The following DMD variants were observed in gnomAD, a reference collection of about 807,000 sequenced individuals.
DMD encodes the protein dystrophin, also known as mutant dystrophin.
In DMD, 63 loss-of-function variants were observed where a neutral mutation model predicts 330.1. The ratio of observed to expected loss-of-function variants is 0.19; its 90% CI spans 0.16 to 0.24. The LOEUF (loss-of-function observed/expected upper bound fraction) is 0.24, where lower values mean the gene tolerates loss of function less well. Ranked by LOEUF, DMD falls within the 10% of genes least tolerant of loss-of-function variation. The pLI is 1.00. For synonymous variants in DMD, 1,223 were observed against 959.8 expected, an observed-to-expected ratio of 1.27 and a Z score of -5.07; for missense variants, 3,344 against 2,684.1, an observed-to-expected ratio of 1.25 and a Z score of -5.43.
chrX:31,478,084 G>T, intron 59 of DMD, 22 bp downstream of exon 59: 1 of 1,207,886 alleles, frequency 8.3e-7, no homozygotes, highest in East Asian at 3.0e-5. Flanking sequence ...AAAGGGCCCT[G>T]AAGCAAAGAA....
chrX:32,891,374 A>G (rs913436521), intron 2 of DMD, among the ~76,000 whole-genome samples: 2 of 112,499 alleles, frequency 1.8e-5, no homozygotes, highest in African/African-American at 6.5e-5. Context: ...TGGCCTAACA[A>G]CATTAGAATC....
At chrX:32,856,362 TG>T (rs1453468119) in intron 2 of DMD, among the ~76,000 whole-genome samples, 1 of 112,190 alleles carries the variant, frequency 8.9e-6, no homozygotes, top group Non-Finnish European at 1.9e-5. Flanking sequence ...TGCACCCTCA[TG>T]TTTATTGCAA....
chrX:32,481,849 A>AC (rs1302886971), intron 21 of DMD, among the ~76,000 whole-genome samples: 3 of 111,912 alleles, frequency 2.7e-5, no homozygotes, highest in African/African-American at 9.7e-5. Flanking sequence ...CATGTATATT[A>AC]CCTAGTGCCC....
intron 62 of DMD, among the ~76,000 whole-genome samples, chrX:31,294,171 A>T (rs6527079): frequency 0.34 from 37,821 of 110,962 alleles, 5,650 homozygotes; most frequent in African/African-American, 0.56. Context: ...GAACAAACAC[A>T]CAGCTTAGAC....
chrX:31,803,301 A>T (rs112629349), intron 50 of DMD, among the ~76,000 whole-genome samples: 12,247 of 111,947 alleles, frequency 0.11, 522 homozygotes, highest in Middle Eastern at 0.14. Flanking sequence ...TGCAGCTGCA[A>T]CTGCAGTGCA....
At chrX:32,230,394 G>A (rs959800587) in intron 43 of DMD, among the ~76,000 whole-genome samples, 2 of 111,162 alleles carry the variant, frequency 1.8e-5, no homozygotes, top group Admixed American at 9.6e-5. Flanking sequence ...ACAGGCGCCC[G>A]CCACCACGCC....
chrX:32,327,272 A>T (rs1332556727), intron 41 of DMD, among the ~76,000 whole-genome samples: 2 of 110,854 alleles, frequency 1.8e-5, no homozygotes, highest in African/African-American at 6.5e-5. Context: ...ATCTCCAAAA[A>T]AGGATTTGGA....
intron 2 of DMD, among the ~76,000 whole-genome samples, chrX:33,006,129 A>G (rs2147481194): frequency 8.9e-6 from 1 of 112,040 alleles, no homozygotes; most frequent in East Asian, 2.8e-4. Flanking sequence ...TTCAGTGTTC[A>G]TGGATAGAAA....
At chrX:31,488,363 C>A (rs1267828122) in intron 57 of DMD, among the ~76,000 whole-genome samples, 1 of 112,107 alleles carries the variant, frequency 8.9e-6, no homozygotes, top group Non-Finnish European at 1.9e-5. Context: ...AACCCTGTGA[C>A]AAATTAATTT....
intron 21 of DMD, among the ~76,000 whole-genome samples, chrX:32,483,169 C>CTATATATATATAT (rs1355171852): frequency 5.7e-5 from 2 of 34,876 alleles, no homozygotes; most frequent in African/African-American, 8.6e-5. Context: ...ATATATACAC[C>CTATATATATATAT]ATATTTAATT....
At chrX:32,221,462 A>C (rs2097131686) in intron 43 of DMD, among the ~76,000 whole-genome samples, 1 of 111,921 alleles carries the variant, frequency 8.9e-6, no homozygotes, top group African/African-American at 3.2e-5. Context: ...ACTACCAATT[A>C]TGAAGTACTT....
Position 31,319,864 on chromosome X carries a change from T to C in DMD, c.9224+3734A>G, listed in dbSNP as rs562670207. On this transcript the variant is annotated intron_variant, in intron 62 of 78. Transcript: ENST00000357033. Reference sequence around the variant, plus strand: ...CTCTTGGCTCTGTTTGGTTTACCCATATGGGAGCATGCAACATAAAAAGGT... The same window carrying C: ...CTCTTGGCTCTGTTTGGTTTACCCACATGGGAGCATGCAACATAAAAAGGT... Among the ~76,000 whole-genome samples, 36 of 112,549 alleles carry C rather than the reference T, an allele frequency of 3.2e-4. 1 individual carries two copies. In the South Asian group the frequency reaches 0.013, roughly 40 times the overall value.
At chrX:31,204,357 C>A (rs186330700) in intron 66 of DMD, among the ~76,000 whole-genome samples, 4 of 112,690 alleles carry the variant, frequency 3.5e-5, no homozygotes, top group African/African-American at 6.4e-5. Context: ...CTGCAAGAAG[C>A]GCAAGCTTAC....
intron 66 of DMD, among the ~76,000 whole-genome samples, chrX:31,204,735 G>A (rs1324979796): frequency 8.9e-6 from 1 of 111,940 alleles, no homozygotes; most frequent in Non-Finnish European, 1.9e-5. Flanking sequence ...CCATTCTCCT[G>A]CCTCAGCCGC....
chrX:31,944,751 G>A (rs371205806), intron 45 of DMD, among the ~76,000 whole-genome samples: 8 of 103,676 alleles, frequency 7.7e-5, no homozygotes, highest in African/African-American at 2.8e-4. Context: ...CTCGTGATCC[G>A]CCCGCCTCGG....
At chrX:33,068,769 C>G (rs981020400) in intron 1 of DMD, among the ~76,000 whole-genome samples, 2 of 112,287 alleles carry the variant, frequency 1.8e-5, no homozygotes, top group Non-Finnish European at 3.8e-5. Flanking sequence ...TAGGAAGGAG[C>G]AGAGAAAATA....
At chrX:33,184,827 G>A (rs1238721436) in intron 1 of DMD, among the ~76,000 whole-genome samples, 1 of 103,423 alleles carries the variant, frequency 9.7e-6, no homozygotes, top group Admixed American at 1.1e-4. Flanking sequence ...GGGTTCAAGC[G>A]ATTCTCCTGC....
At chrX:32,622,397 G>GGCCT (rs1203344362) in intron 11 of DMD, among the ~76,000 whole-genome samples, 1 of 111,711 alleles carries the variant, frequency 9.0e-6, no homozygotes, top group Admixed American at 9.5e-5. Context: ...CCTTACTACA[G>GGCCT]GCCTTGACTA....
At chrX:31,689,807 A>G (rs1433751569) in intron 52 of DMD, among the ~76,000 whole-genome samples, 4 of 111,601 alleles carry the variant, frequency 3.6e-5, no homozygotes, top group Admixed American at 2.8e-4. Flanking sequence ...GCTCTCAGAA[A>G]TAATACCACA....
Sources: allele counts gnomAD v4.1 joint callset (sites outside exome capture counted in the v4.1 genomes callset), GRCh38; gene constraint gnomAD v4.1.1; transcripts MANE v1.5; gene names NCBI Gene and HGNC (gene_info 2026-07-23, HGNC 2026-07-21).